Variants in CEP290 observed in about 807,000 individuals in gnomAD.
CEP290 encodes the protein centrosomal protein of 290 kDa.
A neutral mutation model predicts 344.9 loss-of-function variants in CEP290; 317 were observed. The observed-to-expected ratio is 0.92, with a 90% confidence interval of 0.84 to 1.01. CEP290 has a LOEUF of 1.01. Among genes scored for constraint, CEP290 ranks in the 50% least tolerant of loss-of-function variants. CEP290 has a pLI of 0.00. For missense variants in CEP290, 2,754 were observed against 2,761.4 expected (o/e 1.00, Z 0.06); for synonymous variants, 932 against 895.8 (o/e 1.04, Z -0.72).
chr12:88,110,393 G>C (rs902883532), intron 22 of CEP290, among the ~76,000 whole-genome samples: 22 of 152,204 alleles, frequency 1.4e-4, no homozygotes, highest in Middle Eastern at 6.8e-3. Flanking sequence ...GGAAGACAAA[G>C]ATGAAGAATA....
chr12:88,079,231 T>G lies in CEP290; in HGVS notation c.5227-2A>C. ...TTCTAAAAGTGCCCGACTAAGTGCC[T>G]AAAAATTAACCAAAAAAAAAATGTA... is the stretch of plus-strand genomic sequence containing the variant. On this transcript the variant is annotated splice_acceptor_variant, in intron 38 of 53. Transcript: ENST00000552810. LOFTEE classifies it high-confidence loss of function. The G allele has an allele frequency of 6.3e-7, 1 of 1,577,136 alleles. No homozygotes were observed.
chr12:88,109,120 C>T lies in CEP290; in HGVS notation c.2429G>A (p.Arg810Lys). The T allele has an allele frequency of 2.0e-6, 3 of 1,469,588 alleles. No homozygotes were observed. The highest frequency in any genetic ancestry group is 2.7e-6 in the Non-Finnish European group (3 of 1,096,090). 91.0% of individuals were successfully genotyped at this position (1,469,588 alleles called of 1,614,324 possible). Residue 810 changes from arginine (R) to lysine (K), a missense_variant, in exon 23 of 54, where the codon AGA becomes AAA. Physicochemically the swap from Arg to Lys is conservative, Grantham distance 26 (BLOSUM62 2). Transcript: ENST00000552810. ...NLEDSLEDYN[R>K]KFAVIRHQQS... ...TTGATGACGAATTACAGCAAATTTTCTGTTGTAATCTTCAAGAGAATCTTC... is the reference window on the plus strand; with the variant it reads ...TTGATGACGAATTACAGCAAATTTTTTGTTGTAATCTTCAAGAGAATCTTC...
chr12:88,139,570 C>G lies in CEP290; in HGVS notation c.181-6G>C, dbSNP rs975947396. On this transcript the variant is annotated splice_region_variant and splice_polypyrimidine_tract_variant and intron_variant, in intron 3 of 53. Coordinates refer to ENST00000552810, the MANE Select transcript of CEP290 (RefSeq NM_025114.4). ...TCCACTTCTTGAGCTTTCATCTAAA[C>G]ATTAAAAAAAGGTTATTTCAATATG... 6.4e-7 allele frequency: 1 copy of G among 1,558,246 alleles called. No homozygotes were observed. The highest frequency in any genetic ancestry group is 8.7e-7 in the Non-Finnish European group (1 of 1,155,408).
At chr12:88,134,847 C>T (rs1419941834) in intron 6 of CEP290, among the ~76,000 whole-genome samples, 1 of 152,192 alleles carries the variant, frequency 6.6e-6, no homozygotes, top group East Asian at 1.9e-4. Context: ...TCCATAACAT[C>T]TCTTACCTCT....
chr12:88,083,838 G>C lies in CEP290; in HGVS notation c.4812+9C>G, dbSNP rs747569970. ...AATAAAGAATGGAACAAAGTTCTTA[G>C]AATCTTACCCAAGCCGTTTGTTTGA... is the stretch of plus-strand genomic sequence containing the variant. On this transcript the variant is annotated intron_variant, in intron 36 of 53. Transcript: ENST00000552810. 6.6e-7 allele frequency: 1 copy of C among 1,506,574 alleles called. No individual in the cohort carries two copies. Among genetic ancestry groups the C allele is most frequent in the Non-Finnish European group, 9.1e-7 (1 of 1,104,166 alleles). 93.3% of individuals were successfully genotyped at this position (1,506,574 alleles called of 1,614,324 possible).
intron 44 of CEP290, among the ~76,000 whole-genome samples, chr12:88,067,135 T>C (rs1355880492): frequency 6.6e-6 from 1 of 151,974 alleles, no homozygotes; most frequent in Non-Finnish European, 1.5e-5. Flanking sequence ...TAGAAGTTTG[T>C]AAGGCAAAAC....
At chr12:88,064,139 T>A in intron 44 of CEP290, 24 bp from the exon 45 acceptor site, 2 of 1,512,314 alleles carry the variant, frequency 1.3e-6, no homozygotes, top group Non-Finnish European at 1.8e-6. Flanking sequence ...AAATTAGGAA[T>A]ATTTTTAAAG....
At position 88,136,696 on chromosome 12, in the gene CEP290, CTCTA is replaced by C. The variant is rs386834157; in HGVS notation, c.384_387del (p.Asp128GlufsTer34). 158 of 1,613,522 alleles carry C rather than the reference CTCTA, an allele frequency of 9.8e-5. No homozygotes were observed. Among genetic ancestry groups the C allele is most frequent in the Non-Finnish European group, 1.2e-4 (146 of 1,179,702 alleles). ...AACTCCTTTTCCATGTCCTCCAATT[CTCTA>C]TCTTTTTGTTCTAATTGTTTTTCAA... On this transcript the variant is annotated frameshift_variant, in exon 6 of 54. Transcript: ENST00000552810. LOFTEE classifies it high-confidence loss of function.
chr12:88,056,889 C>T (rs569688517), intron 49 of CEP290, among the ~76,000 whole-genome samples: 7 of 152,046 alleles, frequency 4.6e-5, no homozygotes, highest in South Asian at 2.1e-4. Flanking sequence ...TTTTCTTTCT[C>T]TTTTTTAATG....
chr12:88,073,721 C>T (rs1006239733), intron 41 of CEP290, among the ~76,000 whole-genome samples: 2 of 151,820 alleles, frequency 1.3e-5, no homozygotes, highest in Non-Finnish European at 2.9e-5. Context: ...TGTTTGAGCC[C>T]AGAGTTCAAA....
In CEP290 at chr12:88,086,401, G is replaced by A. The variant is rs564214956; in HGVS notation, c.4292C>T (p.Ala1431Val). 48 of 1,584,772 alleles carry A rather than the reference G, an allele frequency of 3.0e-5. No homozygotes were observed. Among genetic ancestry groups the A allele is most frequent in the Middle Eastern group, 3.3e-4 (2 of 6,024 alleles). The change falls in exon 33 of 54, where the codon GCG (alanine) becomes GTG (valine). Residue 1431 changes from alanine (A) to valine (V), a missense_variant. Transcript: ENST00000552810. ...FDRQQNEILNAAQKFEEATGS... is the reference protein window; with the variant it reads ...FDRQQNEILNVAQKFEEATGS... ...ATTAATCATTCATACCTTTTGTGCC[G>A]CATTTAGTATTTCATTTTGCTGACG... is the stretch of plus-strand genomic sequence containing the variant.
intron 34 of CEP290, among the ~76,000 whole-genome samples, chr12:88,085,172 T>C (rs1371913880): frequency 6.6e-6 from 1 of 152,096 alleles, no homozygotes; most frequent in Non-Finnish European, 1.5e-5. Flanking sequence ...AGGAAGAATA[T>C]GTAATAAATT....
intron 3 of CEP290, among the ~76,000 whole-genome samples, chr12:88,140,132 C>T (rs983613836): frequency 6.6e-6 from 1 of 152,080 alleles, no homozygotes; most frequent in Non-Finnish European, 1.5e-5. Context: ...TACCTCAAGT[C>T]CTCAAGTCTT....
At chr12:88,071,540 G>A (rs1421914255) in intron 42 of CEP290, 91 bp from the exon 43 acceptor site, 3 of 1,080,806 alleles carry the variant, frequency 2.8e-6, no homozygotes, top group Middle Eastern at 2.1e-4. Context: ...TACAATAATT[G>A]TAACACCCTA....
intron 19 of CEP290, among the ~76,000 whole-genome samples, 197 bp downstream of exon 19, chr12:88,114,901 A>G (rs919045196): frequency 2.0e-5 from 3 of 152,152 alleles, no homozygotes; most frequent in Admixed American, 6.5e-5. Context: ...CAAAAAATTC[A>G]TATTAGTAAC....
chr12:88,116,521 C>T (rs993005564), intron 18 of CEP290, among the ~76,000 whole-genome samples: 1 of 152,162 alleles, frequency 6.6e-6, no homozygotes, highest in African/African-American at 2.4e-5. Context: ...TCTGCTTTAT[C>T]TGAACTCCTA....
At chr12:88,101,640 C>A (rs1034427129) in intron 26 of CEP290, among the ~76,000 whole-genome samples, 31 of 121,424 alleles carry the variant, frequency 2.6e-4, no homozygotes, top group African/African-American at 7.7e-4. Context: ...GCCTGGGTGA[C>A]AGAATGAAAC....
chr12:88,059,563 A>T, intron 48 of CEP290, among the ~76,000 whole-genome samples: 1 of 151,974 alleles, frequency 6.6e-6, no homozygotes, highest in East Asian at 1.9e-4. Context: ...GCCCGCCACC[A>T]CGCCCGGCTA....
rs755321342 is a variant in CEP290, at chr12:88,089,502, AAT to A, written c.3574-17_3574-16del. The A allele has an allele frequency of 1.1e-5, 15 of 1,412,368 alleles. No homozygotes were observed. The allele number at this position is 1,412,368 out of a possible 1,614,324, so 87.5% of individuals were successfully genotyped here. On this transcript the variant is annotated splice_polypyrimidine_tract_variant and intron_variant, in intron 30 of 53. Coordinates refer to ENST00000552810, the MANE Select transcript of CEP290 (RefSeq NM_025114.4). The stretch of plus-strand genomic sequence containing the variant: ...TCAGACTGTGCCTGATATTAAAAAA[AAT>A]ATATATTTGTAGTAAGTTTCAAATT...
Sources: allele counts gnomAD v4.1 joint callset (sites outside exome capture counted in the v4.1 genomes callset), GRCh38; gene constraint gnomAD v4.1.1; transcripts MANE v1.5; gene names NCBI Gene and HGNC (gene_info 2026-07-23, HGNC 2026-07-21).